The following MYH1 variants were observed in gnomAD, a reference collection of about 807,000 sequenced individuals.
The protein encoded by MYH1 is myosin heavy chain 1.
Under a neutral mutation model 225.6 loss-of-function variants are expected in MYH1, and 214 were observed. The ratio of observed to expected loss-of-function variants is 0.95; its 90% CI spans 0.85 to 1.06. The LOEUF (loss-of-function observed/expected upper bound fraction) is 1.06, where lower values mean the gene tolerates loss of function less well. Among genes scored for constraint, MYH1 ranks in the 50% least tolerant of loss-of-function variants. The probability of loss-of-function intolerance (pLI) is 0.00; values close to 1 mark genes in which losing one functional copy is unlikely to be tolerated. For synonymous variants in MYH1, 774 were observed against 842.3 expected (o/e 0.92, Z 1.40); for missense variants, 2,098 against 2,344.2 (o/e 0.89, Z 2.17).
intron 27 of MYH1, 74 bp downstream of exon 27, chr17:10,501,036 T>G (rs2073048795): frequency 1.3e-5 from 20 of 1,578,250 alleles, no homozygotes; most frequent in Middle Eastern, 1.7e-4. Flanking sequence ...TGAGACGTTT[T>G]TGAGATACAA....
chr17:10,506,041 C>T lies in MYH1; in HGVS notation c.2027G>A (p.Cys676Tyr), dbSNP rs2073109003. The change falls in exon 18 of 40, where the codon TGC becomes TAC. Residue 676 changes from cysteine to tyrosine, a missense_variant. By Grantham distance (194) the Cys-to-Tyr change is radical. Coordinates refer to ENST00000226207, the MANE Select transcript of MYH1 (RefSeq NM_005963.4). Reference sequence around the variant, plus strand: ...AGTTTTAGTTTCATTGGGGATGATGCACCGCACAAAGTGGGGGTGAGTGCT... The same window carrying T: ...AGTTTTAGTTTCATTGGGGATGATGTACCGCACAAAGTGGGGGTGAGTGCT... ...LRSTHPHFVR[C>Y]IIPNETKTPG... The T allele has an allele frequency of 6.2e-7, 1 of 1,614,202 alleles. No individual in the cohort carries two copies.
At chr17:10,511,735 T>A in intron 14 of MYH1, 104 bp downstream of exon 14, 1 of 1,573,768 alleles carries the variant, frequency 6.4e-7, no homozygotes, top group Non-Finnish European at 8.7e-7. Flanking sequence ...GTGCAGCTAT[T>A]TTTCATAGAC....
At chr17:10,500,509 T>C in intron 28 of MYH1, 117 bp downstream of exon 28, 1 of 1,466,724 alleles carries the variant, frequency 6.8e-7, no homozygotes, top group Non-Finnish European at 9.2e-7. Flanking sequence ...TTCATATTAG[T>C]GGGGATCTCC....
rs2072996283 is a variant in MYH1, at chr17:10,496,508, C to A, written c.4698G>T (p.Gln1566His). The change falls in exon 34 of 40, where the codon CAG becomes CAT. Residue 1566 changes from glutamine to histidine, a missense_variant. Transcript: ENST00000226207. Reference sequence around the variant, plus strand: ...CAGACTTGACTTGGTTCAACTCAAGCTGGATGCGCAGGATCTTTCCCTCTT... The same window carrying A: ...CAGACTTGACTTGGTTCAACTCAAGATGGATGCGCAGGATCTTTCCCTCTT... The part of the protein sequence containing the change: ...EHEEGKILRI[Q>H]LELNQVKSEV... 1 of 1,613,978 alleles carries A rather than the reference C, an allele frequency of 6.2e-7. No homozygotes were observed. The highest frequency in any genetic ancestry group is 1.7e-5 in the Admixed American group (1 of 59,998).
Position 10,516,317 on chromosome 17 carries a change from A to G in MYH1, c.230T>C (p.Val77Ala). 1 of 1,614,176 alleles carries G rather than the reference A, an allele frequency of 6.2e-7. No individual in the cohort carries two copies. The highest frequency in any genetic ancestry group is 2.2e-5 in the East Asian group (1 of 44,872). The change falls in exon 4 of 40, where the codon GTC becomes GCC. Residue 77 changes from valine to alanine, a missense_variant. Val to Ala is a moderately conservative substitution (Grantham distance 64). Coordinates refer to ENST00000226207, the MANE Select transcript of MYH1 (RefSeq NM_005963.4). ...ATATTTGGGAGGGTTCATGGGGAAG[A>G]CTTGGTCATCTTTCACTGTTACAGT... The part of the protein sequence containing the change: ...GATVTVKDDQ[V>A]FPMNPPKYDK...
chr17:10,496,226 G>A lies in MYH1; in HGVS notation c.4965+15C>T. 4 of 1,614,156 alleles carry A rather than the reference G, an allele frequency of 2.5e-6. No individual in the cohort carries two copies. Among genetic ancestry groups the A allele is most frequent in the Non-Finnish European group, 3.4e-6 (4 of 1,180,034 alleles). On this transcript the variant is annotated intron_variant, in intron 34 of 39. Transcript: ENST00000226207. ...CACCCCAATTGTCCTGGGATCATCT[G>A]TTGGACATATTTACCTTGAGGATGG...
intron 2 of MYH1, 106 bp downstream of exon 2, chr17:10,518,134 T>C (rs1374946692): frequency 6.6e-6 from 1 of 151,902 alleles, no homozygotes; most frequent in African/African-American, 2.4e-5. Flanking sequence ...ATGGAAATGA[T>C]TTTTTTTATC....
At position 10,505,067 on chromosome 17, in the gene MYH1, T is replaced by C. The variant is rs767134246; in HGVS notation, c.2436-2A>G. Reference sequence around the variant, plus strand: ...TACTGGATGCAGAAGATGGACTCTCTGTCATAGGAACAGAAATGTCCAAAT... The same window carrying C: ...TACTGGATGCAGAAGATGGACTCTCCGTCATAGGAACAGAAATGTCCAAAT... On this transcript the variant is annotated splice_acceptor_variant, in intron 21 of 39. Transcript: ENST00000226207. LOFTEE classifies it high-confidence loss of function. The C allele has an allele frequency of 8.7e-6, 14 of 1,614,050 alleles. No homozygotes were observed. The highest frequency in any genetic ancestry group is 1.2e-5 in the Non-Finnish European group (14 of 1,179,980).
intron 5 of MYH1, 23 bp downstream of exon 5, chr17:10,515,903 T>G (rs2073221718): frequency 1.2e-6 from 2 of 1,613,924 alleles, no homozygotes; most frequent in Non-Finnish European, 1.7e-6. Context: ...ATAATTCATA[T>G]GAAAACCAGC....
chr17:10,495,029 G>C lies in MYH1; in HGVS notation c.5368C>G (p.Leu1790Val). The change falls in exon 37 of 40, where the codon CTG becomes GTG. Residue 1790 changes from leucine (L) to valine (V), a missense_variant. Leu to Val is a conservative substitution (Grantham distance 32, BLOSUM62 1). Coordinates refer to ENST00000226207, the MANE Select transcript of MYH1 (RefSeq NM_005963.4). ...TGCAGGTCCTTCACCGTCTGTTCCA[G>C]GTTCTTCTTCATCCGCTCCAGATGG... The part of the protein sequence containing the change: ...SAHLERMKKN[L>V]EQTVKDLQHR... 6.2e-7 allele frequency: 1 copy of C among 1,614,198 alleles called. No individual in the cohort carries two copies. Among genetic ancestry groups the C allele is most frequent in the South Asian group, 1.1e-5 (1 of 91,080 alleles).
chr17:10,517,703 T>C (rs1353758207), intron 2 of MYH1, among the ~76,000 whole-genome samples: 2 of 152,122 alleles, frequency 1.3e-5, no homozygotes, highest in African/African-American at 4.8e-5. Context: ...TGTGTGTGTA[T>C]ATATACATAT....
intron 28 of MYH1, among the ~76,000 whole-genome samples, chr17:10,499,506 G>A (rs2073031642): frequency 6.6e-6 from 1 of 152,168 alleles, no homozygotes; most frequent in African/African-American, 2.4e-5. Flanking sequence ...GAGACTTTGG[G>A]CAATGTCTTC....
rs1463374276 is a variant in MYH1, at chr17:10,512,197, A to G, written c.1148-5T>C. 5.6e-6 allele frequency: 9 copies of G among 1,612,240 alleles called. No individual in the cohort carries two copies. The highest frequency in any genetic ancestry group is 7.6e-6 in the Non-Finnish European group (9 of 1,178,272). ...GATAGGCTGCCTTGTCAGCAACTGC[A>G]GAAACATAATTCAGATACCTAATAT... On this transcript the variant is annotated splice_polypyrimidine_tract_variant and splice_region_variant and intron_variant, in intron 12 of 39. Coordinates refer to ENST00000226207, the MANE Select transcript of MYH1 (RefSeq NM_005963.4).
chr17:10,509,741 G>T, intron 14 of MYH1, 86 bp from the exon 15 acceptor site: 1 of 1,609,196 alleles, frequency 6.2e-7, no homozygotes, highest in Non-Finnish European at 8.5e-7. Context: ...TAGCCAAATT[G>T]CCCTCTTAGG....
intron 5 of MYH1, 99 bp from the exon 6 acceptor site, chr17:10,514,994 A>G (rs770774434): frequency 1.6e-5 from 17 of 1,065,176 alleles, no homozygotes; most frequent in Non-Finnish European, 2.3e-5. Flanking sequence ...TCATGTATTC[A>G]GTGGGGTTTT....
Position 10,496,422 on chromosome 17 carries a change from A to T in MYH1, c.4784T>A (p.Ile1595Asn). ...GCTCTGCATGGACTCCACGATTCTA[A>T]TGTGGTTTCTCTTCATCTGGTCAAT... ...EEIDQMKRNH[I>N]RIVESMQSTL... The change falls in exon 34 of 40, where the codon ATT becomes AAT. Residue 1595 changes from isoleucine (I) to asparagine (N), a missense_variant. By Grantham distance (149) the Ile-to-Asn change is moderately radical. Transcript: ENST00000226207. The T allele has an allele frequency of 6.2e-7, 1 of 1,613,996 alleles. No homozygotes were observed. Among genetic ancestry groups the T allele is most frequent in the Non-Finnish European group, 8.5e-7 (1 of 1,180,002 alleles).
At chr17:10,515,837 GT>G in intron 5 of MYH1, 88 bp downstream of exon 5, 3 of 1,602,560 alleles carry the variant, frequency 1.9e-6, no homozygotes, top group Admixed American at 1.7e-5. Context: ...CGTGAATTGG[GT>G]TTTTTTCTAA....
chr17:10,500,980 G>A, intron 27 of MYH1, 130 bp downstream of exon 27: 1 of 1,448,574 alleles, frequency 6.9e-7, no homozygotes, highest in East Asian at 2.3e-5. Flanking sequence ...ACTTTACTAA[G>A]TTGTACTATA....
intron 14 of MYH1, among the ~76,000 whole-genome samples, chr17:10,510,195 TAGTC>T (rs753308357): frequency 1.3e-5 from 2 of 152,182 alleles, no homozygotes; most frequent in African/African-American, 2.4e-5. Flanking sequence ...TTGTTTTTGT[TAGTC>T]AGAGGTTTCT....
Sources: gnomAD v4.1 joint callset for allele counts (sites outside exome capture counted in the v4.1 genomes callset) on GRCh38, gnomAD v4.1.1 for gene constraint, MANE v1.5 for transcripts, NCBI Gene and HGNC (gene_info 2026-07-23, HGNC 2026-07-21) for gene names.